The following LARGE1 variants were observed in gnomAD, a reference collection of about 807,000 sequenced individuals.
LARGE1 encodes the protein LARGE xylosyl- and glucuronyltransferase 1.
Under a neutral mutation model 87.6 loss-of-function variants are expected in LARGE1, and 43 were observed. The observed-to-expected ratio is 0.49, with a 90% CI of 0.38 to 0.63. LARGE1 has a LOEUF of 0.63. Ranked by LOEUF, LARGE1 falls within the 30% of genes least tolerant of loss-of-function variation. The pLI, the probability that LARGE1 is intolerant of heterozygous loss-of-function variation, is 0.00. For synonymous variants in LARGE1, 434 were observed against 394.6 expected, an observed-to-expected ratio of 1.10 and a Z score of -1.18; for missense variants, 802 against 1,000.2, an observed-to-expected ratio of 0.80 and a Z score of 2.67.
At position 33,184,088 on chromosome 22, in the gene LARGE1, C is replaced by CTATATATATATATATATATA. The variant is rs144013990; in HGVS notation, c.1731-17257_1731-17256insTATATATATATATATATATA. On this transcript the variant is annotated intron_variant, in intron 11 of 11. Coordinates refer to the LARGE1 transcript ENST00000608642. ...TAATTTGACTGTGGTAATCAGTACA[C>CTATATATATATATATATATA]TATATATATATATATCATATCTTTA... 7.4e-3 allele frequency among the ~76,000 whole-genome samples: 783 copies of CTATATATATATATATATATA among 105,206 alleles called. 34 individuals are homozygous for CTATATATATATATATATATA. The highest frequency in any genetic ancestry group is 0.027 in the Middle Eastern group (5 of 186). The allele number at this position is 105,206 out of a possible 152,430, so 69.0% of individuals were successfully genotyped here. A position where few individuals can be genotyped will look rare whatever the true frequency, so the allele number is the denominator to read the frequency against.
At chr22:33,710,145 G>C (rs1248939529) in intron 2 of LARGE1, among the ~76,000 whole-genome samples, 1 of 151,482 alleles carries the variant, frequency 6.6e-6, no homozygotes, top group Non-Finnish European at 1.5e-5. Flanking sequence ...AGAAGCAGAA[G>C]ACAATAGCTC....
chr22:33,732,099 G>A (rs1202429518), intron 2 of LARGE1, among the ~76,000 whole-genome samples: 1 of 152,162 alleles, frequency 6.6e-6, no homozygotes, highest in Non-Finnish European at 1.5e-5. Context: ...GAAACAACAA[G>A]AGCTTCGGTA....
intron 2 of LARGE1, among the ~76,000 whole-genome samples, chr22:33,741,359 A>C (rs959381628): frequency 6.6e-6 from 1 of 152,256 alleles, no homozygotes; most frequent in Non-Finnish European, 1.5e-5. Flanking sequence ...ACTAAGTGCA[A>C]AGCACAGGAG....
intron 13 of LARGE1, among the ~76,000 whole-genome samples, chr22:33,280,287 G>C (rs532897025): frequency 8.9e-4 from 114 of 127,576 alleles, no homozygotes; most frequent in Non-Finnish European, 1.2e-3. Context: ...ACAGTACTCA[G>C]AGTAGTTTCT....
chr22:33,796,535 A>G (rs2085989451), intron 1 of LARGE1, among the ~76,000 whole-genome samples: 1 of 152,216 alleles, frequency 6.6e-6, no homozygotes, highest in South Asian at 2.1e-4. Flanking sequence ...TCGTAAGAAA[A>G]GCAAAATATA....
chr22:33,380,233 C>G (rs1007841465), intron 9 of LARGE1, among the ~76,000 whole-genome samples: 2 of 152,152 alleles, frequency 1.3e-5, no homozygotes. Flanking sequence ...ATATTCTTGA[C>G]AATATTCCTG....
At chr22:33,306,735 G>A (rs1273877447) in intron 11 of LARGE1, among the ~76,000 whole-genome samples, 4 of 151,982 alleles carry the variant, frequency 2.6e-5, no homozygotes, top group East Asian at 1.9e-4. Flanking sequence ...TTAGCCAGGC[G>A]TGGTAGTGAA....
chr22:33,408,049 C>T (rs963492524), intron 7 of LARGE1, among the ~76,000 whole-genome samples: 1 of 149,884 alleles, frequency 6.7e-6, no homozygotes, highest in East Asian at 2.0e-4. Flanking sequence ...GGCACGATCT[C>T]GGCTCACTGC....
intron 1 of LARGE1, among the ~76,000 whole-genome samples, chr22:33,768,473 C>T (rs1478288072): frequency 2.0e-5 from 3 of 151,912 alleles, no homozygotes; most frequent in Admixed American, 6.6e-5. Flanking sequence ...CACAGTCTCC[C>T]GCCCTGCCTA....
chr22:33,280,574 C>T (rs1362493362), intron 13 of LARGE1, among the ~76,000 whole-genome samples: 1 of 152,186 alleles, frequency 6.6e-6, no homozygotes. Flanking sequence ...GCTGAGGAGG[C>T]AGCTTTGATC....
intron 5 of LARGE1, among the ~76,000 whole-genome samples, chr22:33,595,340 A>G (rs371221164): frequency 8.5e-5 from 13 of 152,144 alleles, no homozygotes; most frequent in Admixed American, 6.5e-5. Flanking sequence ...GAGTTGGGAC[A>G]CTTCACTGCT....
chr22:33,175,917 C>T (rs1922842452), intron 11 of LARGE1, among the ~76,000 whole-genome samples: 2 of 152,152 alleles, frequency 1.3e-5, no homozygotes, highest in African/African-American at 4.8e-5. Context: ...TACAGGGCTA[C>T]AGTAACCAAA....
intron 2 of LARGE1, among the ~76,000 whole-genome samples, chr22:33,719,522 TA>T (rs2083019014): frequency 2.0e-5 from 3 of 151,102 alleles, no homozygotes; most frequent in African/African-American, 4.9e-5. Context: ...TTTATTTATT[TA>T]TTTATTTATT....
chr22:33,606,428 G>GAAATGAAATAAAATA (rs1555971312), intron 4 of LARGE1, among the ~76,000 whole-genome samples: 3 of 148,724 alleles, frequency 2.0e-5, no homozygotes, highest in East Asian at 2.0e-4. Context: ...AAAATAAAAT[G>GAAATGAAATAAAATA]AAATAAAATA....
At chr22:33,486,580 C>T (rs984369183) in intron 6 of LARGE1, among the ~76,000 whole-genome samples, 2 of 151,908 alleles carry the variant, frequency 1.3e-5, no homozygotes, top group Non-Finnish European at 2.9e-5. Flanking sequence ...TGAGGAAATC[C>T]ATTGGGGAAA....
In LARGE1 at chr22:33,817,740, C is replaced by T. The variant is rs967204288; in HGVS notation, c.-82-56182G>A. On this transcript the variant is annotated intron_variant, in intron 1 of 14. Coordinates refer to ENST00000397394, the MANE Select transcript of LARGE1 (RefSeq NM_133642.5). ...CCTAGCATCACAGACAGGCTCTCAC[C>T]GATATTAGCATTCAGTAGTACACCT... 5.3e-5 allele frequency among the ~76,000 whole-genome samples: 8 copies of T among 152,252 alleles called. No individual in the cohort carries two copies. The East Asian group carries it at 1.2e-3, about 22-fold the overall frequency.
chr22:33,432,384 A>T (rs1324275996), intron 6 of LARGE1, 119 bp from the exon 7 acceptor site: 1 of 771,960 alleles, frequency 1.3e-6, no homozygotes, highest in Non-Finnish European at 2.3e-6. Context: ...ACTTACTGAG[A>T]GGTTTTATGA....
At chr22:33,336,370 T>C (rs1368560635) in intron 10 of LARGE1, among the ~76,000 whole-genome samples, 1 of 152,022 alleles carries the variant, frequency 6.6e-6, no homozygotes, top group African/African-American at 2.4e-5. Flanking sequence ...CTGGTAATTT[T>C]TGTATTTTTA....
At chr22:33,326,639 C>T (rs777433754) in intron 10 of LARGE1, among the ~76,000 whole-genome samples, 1 of 152,200 alleles carries the variant, frequency 6.6e-6, no homozygotes, top group Non-Finnish European at 1.5e-5. Flanking sequence ...GAGGCAGCCT[C>T]ATTCCAGAGC....
Sources: gnomAD v4.1 joint callset for allele counts (sites outside exome capture counted in the v4.1 genomes callset) on GRCh38, gnomAD v4.1.1 for gene constraint, MANE v1.5 for transcripts, NCBI Gene and HGNC (gene_info 2026-07-23, HGNC 2026-07-21) for gene names.